Variants in DOCK4 observed in about 807,000 individuals in gnomAD.
DOCK4 encodes the protein dedicator of cytokinesis 4.
A neutral mutation model predicts 268.1 loss-of-function variants in DOCK4; 97 were observed. The observed-to-expected ratio is 0.36, with a 90% confidence interval of 0.31 to 0.43. DOCK4 has a LOEUF of 0.43. Ranked by LOEUF, DOCK4 falls within the 20% of genes least tolerant of loss-of-function variation. The pLI, the probability that DOCK4 is intolerant of heterozygous loss-of-function variation, is 1.00. For missense variants in DOCK4, 2,145 were observed against 2,455.7 expected (o/e 0.87, Z 2.67); for synonymous variants, 954 against 887.2 (o/e 1.08, Z -1.34).
chr7:112,033,235 G>T (rs1803441935), intron 1 of DOCK4, among the ~76,000 whole-genome samples: 1 of 151,878 alleles, frequency 6.6e-6, no homozygotes, highest in Non-Finnish European at 1.5e-5. Flanking sequence ...AAAAAAAATG[G>T]GCTAACAAAA....
intron 16 of DOCK4, among the ~76,000 whole-genome samples, chr7:111,883,152 A>G (rs1226307403): frequency 1.3e-5 from 2 of 152,246 alleles, no homozygotes; most frequent in Non-Finnish European, 2.9e-5. Context: ...AAGAATAATT[A>G]TAAAGTGAAT....
chr7:112,084,801 C>T (rs1425495194), intron 1 of DOCK4, among the ~76,000 whole-genome samples: 2 of 152,066 alleles, frequency 1.3e-5, no homozygotes, highest in Non-Finnish European at 2.9e-5. Flanking sequence ...TGTTATGCTA[C>T]CATTACAAGG....
At chr7:111,928,535 G>C (rs932433993) in intron 12 of DOCK4, among the ~76,000 whole-genome samples, 3 of 151,108 alleles carry the variant, frequency 2.0e-5, no homozygotes, top group African/African-American at 7.3e-5. Context: ...TTAGATCGAA[G>C]GAAACAAGAG....
chr7:111,989,048 C>G lies in DOCK4; in HGVS notation c.431G>C (p.Arg144Pro), dbSNP rs761465380. ...LTHDRMKDVK[R>P]HITARLDWGN... The stretch of plus-strand genomic sequence containing the variant: ...CCAGTCAAGCCGGGCAGTAATGTGG[C>G]GCTTCACGTCCTTCATCCGGTCGTG... The change falls in exon 6 of 53, where the codon CGC becomes CCC. Residue 144 changes from arginine to proline, a missense_variant. This residue lies in a region of DOCK4 where 1,598 missense variants were observed against 1,986.7 expected (regional missense o/e 0.80). Transcript: ENST00000428084. The G allele has an allele frequency of 6.2e-6, 10 of 1,613,470 alleles. No individual in the cohort carries two copies. Among genetic ancestry groups the G allele is most frequent in the Non-Finnish European group, 7.6e-6 (9 of 1,179,708 alleles).
chr7:111,969,917 AC>A (rs1166111428), intron 8 of DOCK4, among the ~76,000 whole-genome samples: 4 of 152,140 alleles, frequency 2.6e-5, no homozygotes. Context: ...GCCCAATCCT[AC>A]ACCTCAGTTT....
chr7:111,932,639 C>T (rs992353589), intron 12 of DOCK4, among the ~76,000 whole-genome samples: 1 of 152,116 alleles, frequency 6.6e-6, no homozygotes. Flanking sequence ...TAATAGCATA[C>T]ATTATTTATC....
intron 1 of DOCK4, among the ~76,000 whole-genome samples, chr7:112,066,693 A>G (rs1365847213): frequency 0.11 from 863 of 7,948 alleles, 74 homozygotes; most frequent in African/African-American, 0.22. Context: ...ACATATACAT[A>G]TATATATATA....
At chr7:111,761,612 T>C (rs564301095) in intron 39 of DOCK4, among the ~76,000 whole-genome samples, 18 of 152,052 alleles carry the variant, frequency 1.2e-4, no homozygotes, top group Non-Finnish European at 1.3e-4. Context: ...GAGGTTCTTA[T>C]GTAAAACGCC....
At chr7:111,794,222 A>G (rs575976417) in intron 30 of DOCK4, among the ~76,000 whole-genome samples, 36 of 152,186 alleles carry the variant, frequency 2.4e-4, no homozygotes, top group Non-Finnish European at 4.3e-4. Context: ...AAATTTATAG[A>G]AACAGGAGCC....
At chr7:111,884,899 C>A (rs1320682535) in intron 16 of DOCK4, among the ~76,000 whole-genome samples, 3 of 152,172 alleles carry the variant, frequency 2.0e-5, no homozygotes, top group Non-Finnish European at 4.4e-5. Flanking sequence ...GCAGAAACAG[C>A]TGTTGCCTAG....
chr7:111,895,226 CA>C (rs1358949628), intron 16 of DOCK4, among the ~76,000 whole-genome samples: 1 of 151,378 alleles, frequency 6.6e-6, no homozygotes, highest in Admixed American at 6.6e-5. Flanking sequence ...CAATAGCAGA[CA>C]AAAAAAAGCA....
chr7:111,947,585 T>G (rs1795719513), intron 8 of DOCK4, among the ~76,000 whole-genome samples: 3 of 24,286 alleles, frequency 1.2e-4, no homozygotes, highest in Admixed American at 1.1e-3. Flanking sequence ...AACTGGAGGC[T>G]GGGAATGACA....
chr7:111,997,238 G>A (rs1200694418), intron 4 of DOCK4, among the ~76,000 whole-genome samples: 1 of 152,224 alleles, frequency 6.6e-6, no homozygotes, highest in Non-Finnish European at 1.5e-5. Flanking sequence ...TTGGCTTGAT[G>A]CTTCTGGTGG....
At chr7:111,767,461 A>G (rs978348815) in intron 37 of DOCK4, among the ~76,000 whole-genome samples, 3 of 151,938 alleles carry the variant, frequency 2.0e-5, no homozygotes, top group Non-Finnish European at 2.9e-5. Flanking sequence ...TCCTGACCCC[A>G]TGATCCACCC....
At position 111,787,370 on chromosome 7, in the gene DOCK4, C is replaced by T. The variant is rs375129994; in HGVS notation, c.3401+1292G>A. ...AGAATTCTTGCTAAACTCCAAGCTG[C>T]CATAAAAGACTGAAGCTGTGTACAC... On this transcript the variant is annotated intron_variant, in intron 32 of 52. Transcript: ENST00000428084. Among the ~76,000 whole-genome samples the T allele has an allele frequency of 4.4e-4, 67 of 152,034 alleles. 1 individual carries two copies. In the South Asian group the frequency reaches 0.013, roughly 30 times the overall value.
intron 35 of DOCK4, among the ~76,000 whole-genome samples, chr7:111,782,301 G>A (rs1450155303): frequency 1.3e-5 from 2 of 152,114 alleles, no homozygotes; most frequent in Non-Finnish European, 2.9e-5. Context: ...AAAATGTCCT[G>A]CTTGGTCATC....
intron 1 of DOCK4, among the ~76,000 whole-genome samples, chr7:112,123,617 A>C (rs1305120370): frequency 6.6e-6 from 1 of 152,126 alleles, no homozygotes; most frequent in Non-Finnish European, 1.5e-5. Context: ...AGAGGAAATA[A>C]TTTTCTAAAT....
At chr7:112,018,142 TCAAAAAAAAAAAAAAAAAAAAA>T (rs1801984575) in intron 1 of DOCK4, among the ~76,000 whole-genome samples, 1 of 17,088 alleles carries the variant, frequency 5.9e-5, no homozygotes. Context: ...AGACTCCAGC[TCAAAAAAAAAAAAAAAAAAAAA>T]AAAAAAAAAA....
At chr7:111,985,914 T>C (rs73430830) in intron 6 of DOCK4, among the ~76,000 whole-genome samples, 25,398 of 152,218 alleles carry the variant, frequency 0.17, 2,431 homozygotes, top group African/African-American at 0.27. Flanking sequence ...GGGTCAATAT[T>C]GCTGATGAAG....
Sources: gnomAD v4.1 joint callset for allele counts (sites outside exome capture counted in the v4.1 genomes callset) on GRCh38, gnomAD v4.1.1 for gene constraint, gnomAD v4.1.1 regional missense constraint, MANE v1.5 for transcripts, NCBI Gene and HGNC (gene_info 2026-07-23, HGNC 2026-07-21) for gene names.